Variants in YIPF7 observed in about 807,000 individuals in gnomAD.
The protein encoded by YIPF7 is protein YIPF7.
In YIPF7, 35 loss-of-function variants were observed where a neutral mutation model predicts 27.2. That is an observed-to-expected ratio of 1.29 (90% confidence interval 0.98 to 1.70). The LOEUF is 1.70. Ranked by LOEUF, YIPF7 falls within the 40% of genes most tolerant of loss-of-function variation. The pLI is 0.00. For synonymous variants in YIPF7, 137 were observed against 110.4 expected, an observed-to-expected ratio of 1.24 and a Z score of -1.51; for missense variants, 358 against 303.7, an observed-to-expected ratio of 1.18 and a Z score of -1.33.
At chr4:44,631,728 G>A (rs1712904070) in intron 3 of YIPF7, among the ~76,000 whole-genome samples, 1 of 152,042 alleles carries the variant, frequency 6.6e-6, no homozygotes, top group African/African-American at 2.4e-5. Flanking sequence ...AGTTCACCAA[G>A]CTTAAAAGGA....
At chr4:44,625,065 G>A (rs923708338) in intron 4 of YIPF7, among the ~76,000 whole-genome samples, 6 of 152,118 alleles carry the variant, frequency 3.9e-5, no homozygotes, top group Non-Finnish European at 7.4e-5. Flanking sequence ...TGTCCATTAC[G>A]AGTACAAGGC....
At chr4:44,627,804 G>T (rs1424477016) in intron 4 of YIPF7, among the ~76,000 whole-genome samples, 1 of 152,154 alleles carries the variant, frequency 6.6e-6, no homozygotes, top group East Asian at 1.9e-4. Context: ...GAAGCCAAGG[G>T]TTAAAGATTA....
At chr4:44,650,483 G>A (rs1713690181) in intron 1 of YIPF7, among the ~76,000 whole-genome samples, 1 of 134,118 alleles carries the variant, frequency 7.5e-6, no homozygotes, top group South Asian at 2.6e-4. Context: ...TTTTAAGCAG[G>A]CGCACACACA....
Position 44,622,758 on chromosome 4 carries a change from T to A in YIPF7, c.609-182A>T, listed in dbSNP as rs191190182. Among the ~76,000 whole-genome samples the A allele has an allele frequency of 2.0e-5, 3 of 152,348 alleles. No homozygotes were observed. In the East Asian group the frequency reaches 5.8e-4, roughly 29 times the overall value. ...TTAGGCATTTTTTAGTCAAATTCAT[T>A]ACAGAGACTAAATATTTTATATTTC... On this transcript the variant is annotated intron_variant, in intron 5 of 5. Coordinates refer to ENST00000415895, the MANE Select transcript of YIPF7 (RefSeq NM_182592.3).
At chr4:44,623,450 A>C (rs1331684385) in intron 5 of YIPF7, among the ~76,000 whole-genome samples, 6 of 152,162 alleles carry the variant, frequency 3.9e-5, no homozygotes, top group Non-Finnish European at 8.8e-5. Flanking sequence ...TACTCTTTTC[A>C]CCACCAAACT....
intron 2 of YIPF7, among the ~76,000 whole-genome samples, chr4:44,656,893 A>G (rs1211103652): frequency 6.6e-6 from 1 of 152,164 alleles, no homozygotes; most frequent in Non-Finnish European, 1.5e-5. Context: ...TTGTCCAAGT[A>G]TTACTTACTA....
At chr4:44,645,443 A>G (rs1252677453) in intron 2 of YIPF7, among the ~76,000 whole-genome samples, 1 of 152,190 alleles carries the variant, frequency 6.6e-6, no homozygotes, top group Non-Finnish European at 1.5e-5. Flanking sequence ...ATAGTCCTTG[A>G]CGATTAACCT....
At chr4:44,643,849 A>G (rs376427231) in intron 2 of YIPF7, among the ~76,000 whole-genome samples, 2 of 152,090 alleles carry the variant, frequency 1.3e-5, no homozygotes, top group African/African-American at 4.8e-5. Context: ...GAGGCTTTGA[A>G]GCTCCACCTA....
intron 5 of YIPF7, among the ~76,000 whole-genome samples, chr4:44,623,769 GA>G (rs926531825): frequency 2.0e-5 from 3 of 151,878 alleles, no homozygotes; most frequent in Non-Finnish European, 4.4e-5. Flanking sequence ...GAAGAAAAAA[GA>G]AAAAAACATA....
intron 2 of YIPF7, among the ~76,000 whole-genome samples, chr4:44,645,828 A>G (rs1577741740): frequency 2.0e-5 from 3 of 152,256 alleles, no homozygotes; most frequent in Admixed American, 2.0e-4. Context: ...TTTCATTTAT[A>G]AGTACTCATA....
At chr4:44,633,861 A>C (rs1224915158) in intron 3 of YIPF7, among the ~76,000 whole-genome samples, 1 of 152,242 alleles carries the variant, frequency 6.6e-6, no homozygotes, top group Non-Finnish European at 1.5e-5. Flanking sequence ...ATAAAAAGTC[A>C]ATACATATAT....
At chr4:44,651,963 T>C (rs1297163021), upstream of YIPF7, among the ~76,000 whole-genome samples, 4 of 152,198 alleles carry the variant, frequency 2.6e-5, no homozygotes, top group Non-Finnish European at 5.9e-5. Context: ...AATCAAAATA[T>C]GGCACATGAT....
intron 3 of YIPF7, among the ~76,000 whole-genome samples, chr4:44,631,268 G>T (rs1391907166): frequency 1.3e-5 from 2 of 152,106 alleles, no homozygotes; most frequent in African/African-American, 4.8e-5. Context: ...TTTTAAATGA[G>T]CCCAATTCTT....
intron 4 of YIPF7, among the ~76,000 whole-genome samples, chr4:44,626,953 T>A (rs1471177652): frequency 1.4e-5 from 2 of 148,048 alleles, no homozygotes; most frequent in Non-Finnish European, 3.0e-5. Context: ...TTTTCTGTAT[T>A]TTTTTTTTTT....
At chr4:44,627,248 A>G (rs1712693311) in intron 4 of YIPF7, among the ~76,000 whole-genome samples, 1 of 152,166 alleles carries the variant, frequency 6.6e-6, no homozygotes, top group Non-Finnish European at 1.5e-5. Flanking sequence ...AATTTTGGGG[A>G]AAAGAATAAG....
upstream of YIPF7, among the ~76,000 whole-genome samples, chr4:44,652,259 C>G (rs907811735): frequency 6.6e-6 from 1 of 152,170 alleles, no homozygotes; most frequent in African/African-American, 2.4e-5. Context: ...ATTGGCCCTT[C>G]TCTGTATCAC....
At chr4:44,623,235 T>A (rs1271152075) in intron 5 of YIPF7, among the ~76,000 whole-genome samples, 2 of 152,242 alleles carry the variant, frequency 1.3e-5, no homozygotes, top group Non-Finnish European at 2.9e-5. Context: ...TTAAGTCTAG[T>A]CACTTGGAGA....
At chr4:44,650,880 A>G (rs1713713772) in intron 1 of YIPF7, among the ~76,000 whole-genome samples, 1 of 152,114 alleles carries the variant, frequency 6.6e-6, no homozygotes. Context: ...GTATGGGAGA[A>G]GAGGACATTA....
At chr4:44,660,994 C>T (rs1454817317) in intron 1 of YIPF7, among the ~76,000 whole-genome samples, 3 of 152,136 alleles carry the variant, frequency 2.0e-5, no homozygotes, top group Non-Finnish European at 2.9e-5. Context: ...CTTGCAGCAA[C>T]TTATAAGAAC....
Sources: allele counts gnomAD v4.1 joint callset (sites outside exome capture counted in the v4.1 genomes callset), GRCh38; gene constraint gnomAD v4.1.1; transcripts MANE v1.5; gene names NCBI Gene and HGNC (gene_info 2026-07-23, HGNC 2026-07-21).